Variants in DPF1 observed in about 807,000 individuals in gnomAD.
The protein encoded by DPF1 is zinc finger protein neuro-d4.
Under a neutral mutation model 58.7 loss-of-function variants are expected in DPF1, and 14 were observed. That is an observed-to-expected ratio of 0.24 (90% confidence interval 0.16 to 0.37). The LOEUF is 0.37. Among genes scored for constraint, DPF1 ranks in the 10% least tolerant of loss-of-function variants. The pLI, the probability that DPF1 is intolerant of heterozygous loss-of-function variation, is 1.00. For missense variants in DPF1, 345 were observed against 529.9 expected, an observed-to-expected ratio of 0.65 and a Z score of 3.43; for synonymous variants, 216 against 216.0, an observed-to-expected ratio of 1.00 and a Z score of 0.00.
In DPF1 at chr19:38,229,500, G is replaced by A; in HGVS notation, c.-132+59C>T. On this transcript the variant is annotated intron_variant, in intron 1 of 11. Transcript: ENST00000412732. This position sits in a 1 kb window ranked among gnomAD's most constrained non-coding sequence, Gnocchi z 5.3. The stretch of plus-strand genomic sequence containing the variant: ...CCCCTCCTCAGCCCCAGGGCGGGCG[G>A]GGGAAGGGCTCCTGGTGGGGGGGTC... The A allele has an allele frequency of 9.7e-7, 1 of 1,034,802 alleles. No homozygotes were observed. The highest frequency in any genetic ancestry group is 1.2e-6 in the Non-Finnish European group (1 of 824,786). 64.1% of individuals were successfully genotyped at this position (1,034,802 alleles called of 1,614,324 possible).
chr19:38,220,978 C>G (rs1967429470), intron 3 of DPF1, among the ~76,000 whole-genome samples: 1 of 152,164 alleles, frequency 6.6e-6, no homozygotes, highest in South Asian at 2.1e-4. Flanking sequence ...CGCCAGACAC[C>G]ATCAGGAAGA....
chr19:38,221,830 C>G (rs1042587264), intron 3 of DPF1, among the ~76,000 whole-genome samples: 1 of 152,006 alleles, frequency 6.6e-6, no homozygotes, highest in African/African-American at 2.4e-5. Flanking sequence ...ACCTGTAATC[C>G]CAGCACTTTG....
chr19:38,217,761 C>T (rs1761138537), intron 6 of DPF1, 37 bp downstream of exon 6: 2 of 1,612,724 alleles, frequency 1.2e-6, no homozygotes, highest in South Asian at 1.1e-5. Context: ...TCTGGGCACC[C>T]CTCTCTCTGC....
At chr19:38,217,635 C>T in intron 6 of DPF1, 44 bp from the exon 7 acceptor site, 3 of 1,528,918 alleles carry the variant, frequency 2.0e-6, no homozygotes, top group Non-Finnish European at 2.6e-6. Flanking sequence ...CCCCTCCGGG[C>T]CCCTGCCGCC....
chr19:38,212,404 G>C, intron 10 of DPF1, 43 bp from the exon 11 acceptor site: 1 of 623,546 alleles, frequency 1.6e-6, no homozygotes, highest in South Asian at 2.4e-5. Flanking sequence ...GGGGGCACGG[G>C]CACCAGAAAC....
Position 38,222,814 on chromosome 19 carries a change from G to C in DPF1, c.30-106C>G. 2 of 1,380,734 alleles carry C rather than the reference G, an allele frequency of 1.4e-6. No homozygotes were observed. Among genetic ancestry groups the C allele is most frequent in the Non-Finnish European group, 1.9e-6 (2 of 1,058,820 alleles). The allele number at this position is 1,380,734 out of a possible 1,614,324, so 85.5% of individuals were successfully genotyped here. ...GGGCCGCCCAGGCTCGGGAGGGGTG[G>C]GCCGACCCCTCCAGCCTCACCTCTC... is the stretch of plus-strand genomic sequence containing the variant. On this transcript the variant is annotated intron_variant, in intron 1 of 11. Coordinates refer to ENST00000355526, the MANE Select transcript of DPF1 (RefSeq NM_001135155.3). This position sits in a 1 kb window ranked among gnomAD's most constrained non-coding sequence, Gnocchi z 4.9.
intron 9 of DPF1, among the ~76,000 whole-genome samples, chr19:38,214,628 CTGCCAT>C (rs1235985475): frequency 6.6e-6 from 1 of 152,152 alleles, no homozygotes; most frequent in Non-Finnish European, 1.5e-5. Flanking sequence ...AGCCCACTAC[CTGCCAT>C]GCCTTGGCCC....
At chr19:38,224,460 C>T (rs762463077), upstream of DPF1, among the ~76,000 whole-genome samples, 2 of 152,180 alleles carry the variant, frequency 1.3e-5, no homozygotes, top group African/African-American at 2.4e-5. The surrounding 1 kb of genome is among the most constrained non-coding windows in gnomAD (Gnocchi z 4.5). Context: ...GACTCGCACA[C>T]GCCCACGCAT....
Position 38,222,449 on chromosome 19 carries a change from T to A in DPF1, c.206A>T (p.Gln69Leu). Residue 69 changes from glutamine (Q) to leucine (L), a missense_variant, in exon 3 of 12, where the codon CAG becomes CTG. Transcript: ENST00000355526. This position sits in a 1 kb window ranked among gnomAD's most constrained non-coding sequence, Gnocchi z 4.9. Reference protein sequence around the residue: ...THRGPGLAPGQIYTYPARCWR... With the variant: ...THRGPGLAPGLIYTYPARCWR... ...ACAGCGGGCGGGGTACGTGTAAATC[T>A]GTCCCGGGGCCAAACCTGGAGAGAG... is the stretch of plus-strand genomic sequence containing the variant. 2 of 1,584,362 alleles carry A rather than the reference T, an allele frequency of 1.3e-6. No homozygotes were observed. Among genetic ancestry groups the A allele is most frequent in the Non-Finnish European group, 1.7e-6 (2 of 1,171,108 alleles).
At chr19:38,223,997 C>G in intron 1 of DPF1, 117 bp downstream of exon 1, 1 of 1,309,868 alleles carries the variant, frequency 7.6e-7, no homozygotes, top group Non-Finnish European at 9.8e-7. Context: ...CGCGCAGCCC[C>G]GCACTCGGTG....
intron 4 of DPF1, 21 bp downstream of exon 4, chr19:38,218,910 G>A (rs750991404): frequency 1.2e-6 from 2 of 1,613,270 alleles, no homozygotes; most frequent in Admixed American, 1.7e-5. Context: ...TGCAGCGGGG[G>A]TCCCCCAGAG....
chr19:38,216,064 C>T, intron 9 of DPF1, 76 bp downstream of exon 9: 3 of 1,529,824 alleles, frequency 2.0e-6, no homozygotes, highest in Non-Finnish European at 2.6e-6. Context: ...CACCGCCTTG[C>T]CTCCCTCCCT....
rs1441146841 is a variant in DPF1, at chr19:38,222,884, C to T, written c.30-176G>A. On this transcript the variant is annotated intron_variant, in intron 1 of 11. Coordinates refer to ENST00000355526, the MANE Select transcript of DPF1 (RefSeq NM_001135155.3). The surrounding 1 kb of genome is among the most constrained non-coding windows in gnomAD (Gnocchi z 4.9). ...CCCAGGCTGGGGGAAGGGGACAGGG[C>T]CCAGGGGCCCCCAAACTGGGACTCA... The T allele has an allele frequency of 2.3e-6, 2 of 880,436 alleles. No individual in the cohort carries two copies. Among genetic ancestry groups the T allele is most frequent in the Non-Finnish European group, 3.2e-6 (2 of 619,366 alleles). The allele number at this position is 880,436 out of a possible 1,614,324, so 54.5% of individuals were successfully genotyped here.
rs761204088 is a variant in DPF1 at position 38,212,041 on chromosome 19, A to G, written c.*22T>C. 22 of 1,601,258 alleles carry G rather than the reference A, an allele frequency of 1.4e-5. No individual in the cohort carries two copies. The East Asian group carries it at 4.7e-4, about 35-fold the overall frequency. ...GGCAGGTAGGCGAGCACCACCCCAG[A>G]GTCGCGGCGAGCCGAGCCGGCCTAG... is the stretch of plus-strand genomic sequence containing the variant. On this transcript the variant is annotated 3_prime_UTR_variant, in exon 12 of 12. Coordinates refer to ENST00000355526, the MANE Select transcript of DPF1 (RefSeq NM_001135155.3).
At chr19:38,214,528 TG>T in intron 9 of DPF1, among the ~76,000 whole-genome samples, 1 of 152,174 alleles carries the variant, frequency 6.6e-6, no homozygotes, top group African/African-American at 2.4e-5. Context: ...AAGCCCACCA[TG>T]GGAAACCACA....
chr19:38,216,275 CAG>C lies in DPF1; in HGVS notation c.779-18_779-17del. ...GCCTTCTTGGCTGCAAGACAGCAGA[CAG>C]GCATTGGCACGGGGCAGGCAAGGGC... On this transcript the variant is annotated splice_polypyrimidine_tract_variant and intron_variant, in intron 8 of 11. Transcript: ENST00000355526. The C allele has an allele frequency of 6.2e-7, 1 of 1,613,724 alleles. No homozygotes were observed. The highest frequency in any genetic ancestry group is 8.5e-7 in the Non-Finnish European group (1 of 1,179,714).
chr19:38,216,564 C>G, intron 7 of DPF1, 161 bp from the exon 8 acceptor site: 8 of 754,182 alleles, frequency 1.1e-5, no homozygotes, highest in Non-Finnish European at 1.5e-5. Context: ...CAGTTCTCAT[C>G]GGGACTCCCA....
intron 3 of DPF1, among the ~76,000 whole-genome samples, chr19:38,220,261 A>G (rs1022130239): frequency 7.3e-5 from 11 of 151,176 alleles, no homozygotes; most frequent in East Asian, 5.9e-4. Context: ...AGAAAGAAAG[A>G]AAGGAAGGAA....
chr19:38,212,774 CTTT>C (rs11367248), intron 10 of DPF1, among the ~76,000 whole-genome samples: 2 of 81,682 alleles, frequency 2.4e-5, no homozygotes, highest in Non-Finnish European at 4.4e-5. Flanking sequence ...CCATGCACGA[CTTT>C]TTTTTTTTTT....
Sources: allele counts gnomAD v4.1 joint callset (sites outside exome capture counted in the v4.1 genomes callset), GRCh38; gene constraint gnomAD v4.1.1; non-coding constraint Gnocchi (gnomAD v3.1); transcripts MANE v1.5; gene names NCBI Gene and HGNC (gene_info 2026-07-23, HGNC 2026-07-21).